The following DIPK1B variants were observed in gnomAD, a reference collection of about 807,000 sequenced individuals.
DIPK1B encodes family with sequence similarity 69 member B.
In DIPK1B, 17 loss-of-function variants were observed where a neutral mutation model predicts 20.7. That is an observed-to-expected ratio of 0.82 (90% confidence interval 0.56 to 1.23). The LOEUF is 1.23. DIPK1B is among the 50% of genes most tolerant of loss of function. The pLI is 0.00. For missense variants in DIPK1B, 648 were observed against 601.8 expected, an observed-to-expected ratio of 1.08 and a Z score of -0.80; for synonymous variants, 343 against 276.5, an observed-to-expected ratio of 1.24 and a Z score of -2.39.
At position 136,723,900 on chromosome 9, in the gene DIPK1B, C is replaced by T; in HGVS notation, c.*126C>T. On this transcript the variant is annotated 3_prime_UTR_variant, in exon 5 of 5. Transcript: ENST00000371692. ...TGTTGCAAAATCACTCCCCTACCGT[C>T]AGGGCTCTGGATTCCAGCACCACAG... is the stretch of plus-strand genomic sequence containing the variant. The T allele has an allele frequency of 1.0e-6, 1 of 999,716 alleles. No homozygotes were observed. Among genetic ancestry groups the T allele is most frequent in the South Asian group, 1.7e-5 (1 of 60,336 alleles). The allele number at this position is 999,716 out of a possible 1,614,324, so 61.9% of individuals were successfully genotyped here. A position where few individuals can be genotyped will look rare whatever the true frequency, so the allele number is the denominator to read the frequency against.
intron 2 of DIPK1B, chr9:136,721,248 A>G (rs1284727788): frequency 6.6e-6 from 1 of 152,472 alleles, no homozygotes; most frequent in East Asian, 1.9e-4. Context: ...CTCTGGCACC[A>G]AGAGCCCACC....
Position 136,724,252 on chromosome 9 carries a change from C to T in DIPK1B, c.*478C>T, listed in dbSNP as rs760747179. ...CCTCTGAAGCCGCCAGGGCAGTTCC[C>T]CAAACACAGCGGCTTCTGAAACAGT... On this transcript the variant is annotated 3_prime_UTR_variant, in exon 5 of 5. Transcript: ENST00000371692. Among the ~76,000 whole-genome samples the T allele has an allele frequency of 6.6e-6, 1 of 152,204 alleles. No individual in the cohort carries two copies. The highest frequency in any genetic ancestry group is 1.5e-5 in the Non-Finnish European group (1 of 68,034).
At chr9:136,722,446 G>A (rs919338064) in intron 4 of DIPK1B, 145 bp downstream of exon 4, 3 of 994,122 alleles carry the variant, frequency 3.0e-6, no homozygotes, top group African/African-American at 1.6e-5. Context: ...CCCAGCCCCT[G>A]GGCATGAGCC....
chr9:136,721,894 C>T, intron 2 of DIPK1B, 27 bp from the exon 3 acceptor site: 1 of 1,606,286 alleles, frequency 6.2e-7, no homozygotes, highest in Non-Finnish European at 8.5e-7. Flanking sequence ...GCTGCCCCGC[C>T]CGGCACGCCT....
At chr9:136,716,545 G>C (rs1325693496) in intron 1 of DIPK1B, among the ~76,000 whole-genome samples, 1 of 152,076 alleles carries the variant, frequency 6.6e-6, no homozygotes, top group Non-Finnish European at 1.5e-5. Context: ...TGGGATCACA[G>C]GGTGAGCCAC....
chr9:136,722,199 C>T lies in DIPK1B; in HGVS notation c.381C>T (p.Ala127=). Residue 127 remains alanine, a synonymous_variant, in exon 4 of 5, where the codon GCC becomes GCT. Transcript: ENST00000371692. ...CGIEETLDSK[A]RSDAAPRREL... is the part of the protein sequence containing the mutation. ...TTGAGGAGACCCTCGACTCCAAGGC[C>T]CGGTCGGATGCGGCCCCCCGGCGGG... 2 of 1,613,958 alleles carry T rather than the reference C, an allele frequency of 1.2e-6. No individual in the cohort carries two copies. Among genetic ancestry groups the T allele is most frequent in the Non-Finnish European group, 1.7e-6 (2 of 1,179,968 alleles).
At chr9:136,718,804 AG>A (rs974096120) in intron 2 of DIPK1B, among the ~76,000 whole-genome samples, 11 of 152,212 alleles carry the variant, frequency 7.2e-5, no homozygotes, top group Non-Finnish European at 1.0e-4. Flanking sequence ...GGGCCTGGGC[AG>A]GCCTGTGTCC....
chr9:136,722,612 C>T (rs991782549), intron 4 of DIPK1B: 1 of 558,318 alleles, frequency 1.8e-6, no homozygotes. Context: ...AAAGGGGCCG[C>T]TTCCCAGGGC....
chr9:136,721,938 G>A lies in DIPK1B; in HGVS notation c.216G>A (p.Lys72=). ...CTCCTCAGTGTGACCAGTACCGCAA[G>A]GGGATCATCTCGGGCTCCGTCTGCC... ...CQVVICDQYR[K]GIISGSVCQD... The change falls in exon 3 of 5, where the codon AAG becomes AAA. Residue 72 remains lysine, a synonymous_variant. Coordinates refer to ENST00000371692, the MANE Select transcript of DIPK1B (RefSeq NM_152421.4). The A allele has an allele frequency of 1.2e-6, 2 of 1,613,582 alleles. No individual in the cohort carries two copies. The highest frequency in any genetic ancestry group is 2.2e-5 in the East Asian group (1 of 44,878).
rs1846662679 is a variant in DIPK1B at position 136,723,922 on chromosome 9, A to T, written c.*148A>T. Reference sequence around the variant, plus strand: ...CGTCAGGGCTCTGGATTCCAGCACCACAGACATGAGACCCCAGCTCGGAGC... The same window carrying T: ...CGTCAGGGCTCTGGATTCCAGCACCTCAGACATGAGACCCCAGCTCGGAGC... On this transcript the variant is annotated 3_prime_UTR_variant, in exon 5 of 5. Transcript: ENST00000371692. The T allele has an allele frequency of 2.4e-6, 2 of 833,096 alleles. No individual in the cohort carries two copies. Among genetic ancestry groups the T allele is most frequent in the Non-Finnish European group, 3.7e-6 (2 of 547,042 alleles). 51.6% of individuals were successfully genotyped at this position (833,096 alleles called of 1,614,324 possible). A position where few individuals can be genotyped will look rare whatever the true frequency, so the allele number is the denominator to read the frequency against.
rs772908596 is a variant in DIPK1B at position 136,722,160 on chromosome 9, C to A, written c.342C>A (p.Thr114=). 1 of 1,614,018 alleles carries A rather than the reference C, an allele frequency of 6.2e-7. No individual in the cohort carries two copies. The highest frequency in any genetic ancestry group is 2.2e-5 in the East Asian group (1 of 44,880). The part of the protein sequence containing the change: ...YSGLWRDKDV[T]IKCGIEETLD... ...GGCTCTGGCGGGACAAGGATGTAAC[C>A]ATCAAGTGTGGCATTGAGGAGACCC... The change falls in exon 4 of 5, where the codon ACC becomes ACA. Residue 114 remains threonine (T), a synonymous_variant. Coordinates refer to ENST00000371692, the MANE Select transcript of DIPK1B (RefSeq NM_152421.4).
At chr9:136,719,000 C>G (rs995857406) in intron 2 of DIPK1B, among the ~76,000 whole-genome samples, 1 of 152,132 alleles carries the variant, frequency 6.6e-6, no homozygotes, top group Non-Finnish European at 1.5e-5. Flanking sequence ...TCCAGGGGGC[C>G]TCTGAGCCCA....
intron 2 of DIPK1B, among the ~76,000 whole-genome samples, chr9:136,718,808 C>T (rs1846543703): frequency 6.6e-6 from 1 of 152,320 alleles, no homozygotes; most frequent in African/African-American, 2.4e-5. Flanking sequence ...CTGGGCAGGC[C>T]TGTGTCCCAC....
intron 4 of DIPK1B, 27 bp downstream of exon 4, chr9:136,722,328 G>T (rs1009243114): frequency 6.2e-7 from 1 of 1,601,112 alleles, no homozygotes; most frequent in Admixed American, 1.7e-5. Context: ...AGGGGGCAGG[G>T]CAGGAGTCCA....
intron 2 of DIPK1B, 102 bp downstream of exon 2, chr9:136,717,813 C>T (rs768388777): frequency 2.0e-6 from 3 of 1,536,560 alleles, no homozygotes; most frequent in Non-Finnish European, 2.6e-6. Flanking sequence ...AGACCCAGGG[C>T]CCACGAGGCA....
At chr9:136,719,691 G>A (rs1174482255) in intron 2 of DIPK1B, among the ~76,000 whole-genome samples, 1 of 152,230 alleles carries the variant, frequency 6.6e-6, no homozygotes, top group African/African-American at 2.4e-5. Flanking sequence ...GGTGCTGGTA[G>A]GTGCCCAGGA....
rs369099418 is a variant in DIPK1B, at chr9:136,724,019, A to T, written c.*245A>T. 2 of 553,708 alleles carry T rather than the reference A, an allele frequency of 3.6e-6. No homozygotes were observed. The allele number at this position is 553,708 out of a possible 1,614,324, so 34.3% of individuals were successfully genotyped here. A position where few individuals can be genotyped will look rare whatever the true frequency, so the allele number is the denominator to read the frequency against. ...TGTTACTCTGAAGAACGTAATGTCA[A>T]TAAACAGCTTTTATGTAATGCCCAG... On this transcript the variant is annotated 3_prime_UTR_variant, in exon 5 of 5. Coordinates refer to ENST00000371692, the MANE Select transcript of DIPK1B (RefSeq NM_152421.4).
intron 2 of DIPK1B, among the ~76,000 whole-genome samples, chr9:136,720,244 TTTC>T (rs1185187819): frequency 1.3e-5 from 2 of 152,126 alleles, no homozygotes; most frequent in Non-Finnish European, 1.5e-5. Flanking sequence ...GAGCCGGCGT[TTTC>T]TTGCTGCCGG....
chr9:136,721,575 GCTGCCTCCAGGTTC>G (rs1846601953), intron 2 of DIPK1B: 1 of 300,050 alleles, frequency 3.3e-6, no homozygotes, highest in Non-Finnish European at 6.4e-6. Flanking sequence ...TGGGCGGAGA[GCTGCCTCCAGGTTC>G]CTGCCTCTGG....
Sources: allele counts gnomAD v4.1 joint callset (sites outside exome capture counted in the v4.1 genomes callset), GRCh38; gene constraint gnomAD v4.1.1; transcripts MANE v1.5; gene names NCBI Gene and HGNC (gene_info 2026-07-23, HGNC 2026-07-21).